GYG1: variants seen among roughly 807,000 people sequenced by gnomAD.
The protein encoded by GYG1 is glycogenin 1.
GYG1 carries 44 observed loss-of-function variants against 41.9 expected under a neutral mutation model. The ratio of observed to expected loss-of-function variants is 1.05; its 90% CI spans 0.83 to 1.35. The LOEUF (loss-of-function observed/expected upper bound fraction) is 1.35. Ranked by LOEUF, GYG1 falls within the 40% of genes most tolerant of loss-of-function variation. The pLI, the probability that GYG1 is intolerant of heterozygous loss-of-function variation, is 0.00. For missense variants in GYG1, 429 were observed against 418.9 expected (o/e 1.02, Z -0.21); for synonymous variants, 141 against 158.1 (o/e 0.89, Z 0.81).
intron 7 of GYG1, 103 bp from the exon 8 acceptor site, chr3:149,026,657 T>G (rs1714667419): frequency 6.7e-6 from 7 of 1,051,046 alleles, no homozygotes; most frequent in African/African-American, 1.6e-5. Context: ...TTTTGCTACT[T>G]TGCATGATGA....
intron 4 of GYG1, among the ~76,000 whole-genome samples, chr3:149,000,336 G>T (rs981997803): frequency 6.6e-6 from 1 of 152,152 alleles, no homozygotes; most frequent in Non-Finnish European, 1.5e-5. Flanking sequence ...CTTCATCACT[G>T]TAATTACATA....
In GYG1 at chr3:149,020,639, T is replaced by C. The variant is rs1002570661; in HGVS notation, c.609-3414T>C. Among the ~76,000 whole-genome samples the C allele has an allele frequency of 2.6e-5, 4 of 152,384 alleles. No individual in the cohort carries two copies. The South Asian group carries it at 8.3e-4, about 32-fold the overall frequency. On this transcript the variant is annotated intron_variant, in intron 5 of 7. Transcript: ENST00000345003. ...CTTATTATTACTACTGCTTAGTCATTAGTAAACTGTCAAGAGAGCAGGTTA... is the reference window on the plus strand; with the variant it reads ...CTTATTATTACTACTGCTTAGTCATCAGTAAACTGTCAAGAGAGCAGGTTA...
At chr3:149,026,692 A>G (rs1714668508) in intron 7 of GYG1, 68 bp from the exon 8 acceptor site, 5 of 1,253,584 alleles carry the variant, frequency 4.0e-6, no homozygotes, top group East Asian at 2.3e-5. Flanking sequence ...TCTGTCTTCA[A>G]TTTATTGCAT....
intron 5 of GYG1, among the ~76,000 whole-genome samples, chr3:149,013,335 T>A (rs1278101778): frequency 1.3e-5 from 2 of 152,202 alleles, no homozygotes; most frequent in Non-Finnish European, 2.9e-5. Flanking sequence ...ATCTTATTAG[T>A]CTTTTAAAAA....
At chr3:149,002,875 G>A (rs934029841) in intron 4 of GYG1, among the ~76,000 whole-genome samples, 9 of 152,044 alleles carry the variant, frequency 5.9e-5, no homozygotes, top group African/African-American at 2.2e-4. Flanking sequence ...GCAAAAATTA[G>A]CCGGGTGTGG....
intron 4 of GYG1, among the ~76,000 whole-genome samples, chr3:149,007,264 A>G (rs2107900060): frequency 6.6e-6 from 1 of 152,352 alleles, no homozygotes; most frequent in African/African-American, 2.4e-5. Flanking sequence ...CACTCCAGAT[A>G]CCATCAACTT....
intron 4 of GYG1, among the ~76,000 whole-genome samples, chr3:149,003,225 C>T (rs1443206606): frequency 6.6e-6 from 1 of 151,156 alleles, no homozygotes; most frequent in East Asian, 2.0e-4. Context: ...AAGTGATTCT[C>T]CTGCCTCAGC....
At chr3:149,026,112 A>T (rs1714637214) in intron 6 of GYG1, among the ~76,000 whole-genome samples, 1 of 152,240 alleles carries the variant, frequency 6.6e-6, no homozygotes, top group African/African-American at 2.4e-5. Context: ...ATACGTAATT[A>T]TGAACCAAGG....
Position 148,996,924 on chromosome 3 carries a change from A to C in GYG1, c.481+20A>C. 1 of 1,583,316 alleles carries C rather than the reference A, an allele frequency of 6.3e-7. No individual in the cohort carries two copies. Among genetic ancestry groups the C allele is most frequent in the Non-Finnish European group, 8.7e-7 (1 of 1,152,214 alleles). ...TTGATGGTATGTATTTGCTATCTTCATGTCTGATAAGCTGTTAATAGTAAT... is the reference window on the plus strand; with the variant it reads ...TTGATGGTATGTATTTGCTATCTTCCTGTCTGATAAGCTGTTAATAGTAAT... On this transcript the variant is annotated intron_variant, in intron 4 of 7. Coordinates refer to ENST00000345003, the MANE Select transcript of GYG1 (RefSeq NM_004130.4).
intron 4 of GYG1, among the ~76,000 whole-genome samples, chr3:149,002,116 T>C (rs1437696526): frequency 2.0e-5 from 3 of 152,230 alleles, no homozygotes; most frequent in Admixed American, 6.5e-5. Context: ...AGGGTTCCTC[T>C]CACCTATATT....
At chr3:149,008,635 A>G (rs545408930) in intron 4 of GYG1, among the ~76,000 whole-genome samples, 3 of 152,074 alleles carry the variant, frequency 2.0e-5, no homozygotes, top group Non-Finnish European at 4.4e-5. Context: ...CACTGCATTC[A>G]TCTCCATCTG....
chr3:149,026,204 C>G (rs546365061), intron 6 of GYG1, among the ~76,000 whole-genome samples: 29 of 152,300 alleles, frequency 1.9e-4, no homozygotes, highest in Admixed American at 1.9e-3. Context: ...CTTGGTAATC[C>G]AAATGAAAGC....
chr3:149,023,985 A>G, intron 5 of GYG1, 68 bp from the exon 6 acceptor site: 2 of 1,078,090 alleles, frequency 1.9e-6, no homozygotes, highest in Non-Finnish European at 2.9e-6. Context: ...AAGTGCTACT[A>G]AGTGCTGCTT....
At position 148,994,249 on chromosome 3, in the gene GYG1, G is replaced by T. The variant is rs200530870; in HGVS notation, c.115G>T (p.Ala39Ser). The change falls in exon 2 of 8, where the codon GCC becomes TCC. Residue 39 changes from alanine to serine, a missense_variant. Transcript: ENST00000345003. ...GACCACCAGGAGGCTGGTCGTGCTCGCCACCCCTCAGGTCTCAGACTCCAT... is the reference window on the plus strand; with the variant it reads ...GACCACCAGGAGGCTGGTCGTGCTCTCCACCCCTCAGGTCTCAGACTCCAT... ...HRTTRRLVVL[A>S]TPQVSDSMRK... The T allele has an allele frequency of 5.1e-5, 82 of 1,613,884 alleles. No homozygotes were observed. The highest frequency in any genetic ancestry group is 6.8e-5 in the Non-Finnish European group (80 of 1,179,984).
intron 5 of GYG1, among the ~76,000 whole-genome samples, chr3:149,017,794 G>GT (rs112253676): frequency 0.015 from 2,240 of 146,450 alleles, 71 homozygotes; most frequent in African/African-American, 0.053. Flanking sequence ...TTGTATTTTA[G>GT]TAGAGACAGG....
chr3:149,000,352 C>T (rs540092949), intron 4 of GYG1, among the ~76,000 whole-genome samples: 20 of 152,170 alleles, frequency 1.3e-4, no homozygotes, highest in African/African-American at 4.6e-4. Context: ...ACATATTTCC[C>T]GAAAAGTTGA....
rs1714736497 is a variant in GYG1 at position 149,027,794 on chromosome 3, ATTGT to A, written c.*864_*867del. The A allele has an allele frequency of 6.6e-6, 1 of 152,208 alleles. No individual in the cohort carries two copies. Among genetic ancestry groups the A allele is most frequent in the Non-Finnish European group, 1.5e-5 (1 of 68,040 alleles). The allele number at this position is 152,208 out of a possible 1,614,324, so 9.4% of individuals were successfully genotyped here. A position where few individuals can be genotyped will look rare whatever the true frequency, so the allele number is the denominator to read the frequency against. On this transcript the variant is annotated 3_prime_UTR_variant, in exon 8 of 8. Transcript: ENST00000345003. ...AACTGGTATCTATGATTTCAATCTA[ATTGT>A]TTTTCTGTGATGGTGATGGATCTGA...
Position 149,031,557 on chromosome 3 carries a change from TGTA to T in GYG1, c.*4628_*4630del, listed in dbSNP as rs1428150891. 3 of 152,554 alleles carry T rather than the reference TGTA, an allele frequency of 2.0e-5. No homozygotes were observed. Among genetic ancestry groups the T allele is most frequent in the African/African-American group, 7.2e-5 (3 of 41,442 alleles). The allele number at this position is 152,554 out of a possible 1,614,324, so 9.5% of individuals were successfully genotyped here. ...CAGCAAGTTACATTTAAACAATGAG[TGTA>T]GTACTACTTAACTAAAATGGAAAAA... is the stretch of plus-strand genomic sequence containing the variant. On this transcript the variant is annotated 3_prime_UTR_variant, in exon 8 of 8. Coordinates refer to ENST00000345003, the MANE Select transcript of GYG1 (RefSeq NM_004130.4).
Position 148,996,289 on chromosome 3 carries a change from T to A in GYG1, c.144-13T>A. Reference sequence around the variant, plus strand: ...AGATGCTAAGTGTGGTATTCTGGATTTTATTTTGACAGAAAAGTTTTAGAG... The same window carrying A: ...AGATGCTAAGTGTGGTATTCTGGATATTATTTTGACAGAAAAGTTTTAGAG... On this transcript the variant is annotated splice_polypyrimidine_tract_variant and intron_variant, in intron 2 of 7. Coordinates refer to ENST00000345003, the MANE Select transcript of GYG1 (RefSeq NM_004130.4). 6.2e-7 allele frequency: 1 copy of A among 1,601,706 alleles called. No homozygotes were observed. The highest frequency in any genetic ancestry group is 1.1e-5 in the South Asian group (1 of 90,806).
Sources: allele counts gnomAD v4.1 joint callset (sites outside exome capture counted in the v4.1 genomes callset), GRCh38; gene constraint gnomAD v4.1.1; transcripts MANE v1.5; gene names NCBI Gene and HGNC (gene_info 2026-07-23, HGNC 2026-07-21).